The following FGF12 variants were observed in gnomAD, a reference collection of about 807,000 sequenced individuals.
FGF12 encodes fibroblast growth factor 12B.
FGF12 carries 14 observed loss-of-function variants against 23.6 expected under a neutral mutation model. The observed-to-expected ratio is 0.59, with a 90% CI of 0.39 to 0.93. The LOEUF is 0.93. Ranked by LOEUF, FGF12 falls within the 40% of genes least tolerant of loss-of-function variation. The probability of loss-of-function intolerance (pLI) is 0.00; values close to 1 mark genes in which losing one functional copy is unlikely to be tolerated. For missense variants in FGF12, 175 were observed against 217.8 expected (o/e 0.80, Z 1.24); for synonymous variants, 62 against 77.3 (o/e 0.80, Z 1.04).
At chr3:192,331,642 T>C (rs1256715650) in intron 4 of FGF12, among the ~76,000 whole-genome samples, 2 of 152,072 alleles carry the variant, frequency 1.3e-5, no homozygotes, top group Non-Finnish European at 2.9e-5. Context: ...TCTAAAGTAG[T>C]CAACCTCTTT....
intron 2 of FGF12, among the ~76,000 whole-genome samples, chr3:192,710,704 A>G (rs1468641237): frequency 6.6e-6 from 1 of 152,238 alleles, no homozygotes; most frequent in East Asian, 1.9e-4. Flanking sequence ...TCTCCCAAAC[A>G]TCAAGCATCT....
At chr3:192,436,577 G>A (rs950203923) in intron 2 of FGF12, among the ~76,000 whole-genome samples, 9 of 152,184 alleles carry the variant, frequency 5.9e-5, no homozygotes, top group Admixed American at 5.9e-4. Flanking sequence ...CTTTGACTTC[G>A]GTAGTTTTAC....
chr3:192,530,153 A>G (rs35458555), intron 2 of FGF12, among the ~76,000 whole-genome samples: 82,223 of 151,382 alleles, frequency 0.54, 22,782 homozygotes, highest in East Asian at 0.76. Flanking sequence ...TGACATCTAC[A>G]TTCTCTTTTG....
At chr3:192,281,381 G>C (rs1163424983) in intron 4 of FGF12, among the ~76,000 whole-genome samples, 1 of 152,066 alleles carries the variant, frequency 6.6e-6, no homozygotes, top group Non-Finnish European at 1.5e-5. Context: ...ACTAGTCATT[G>C]GATGGAGGGC....
chr3:192,164,458 A>G (rs574645929), intron 5 of FGF12, among the ~76,000 whole-genome samples: 4 of 152,302 alleles, frequency 2.6e-5, no homozygotes, highest in African/African-American at 9.6e-5. Context: ...AGTGAAGGGA[A>G]ATGGGCTGGT....
chr3:192,443,948 C>T (rs752721806), intron 2 of FGF12, among the ~76,000 whole-genome samples: 10 of 152,162 alleles, frequency 6.6e-5, no homozygotes, highest in Non-Finnish European at 8.8e-5. Flanking sequence ...GCAATGCTGG[C>T]CCAATGTCAG....
intron 2 of FGF12, among the ~76,000 whole-genome samples, chr3:192,527,676 A>G (rs564539986): frequency 6.6e-6 from 1 of 152,188 alleles, no homozygotes; most frequent in East Asian, 1.9e-4. Flanking sequence ...TTATTTTTTT[A>G]TTTGTACATA....
rs144980227 is a variant in FGF12 at position 192,270,310 on chromosome 3, T to C, written c.228+65051A>G. ...AATACAGCACTTAATTTCCTGCACC[T>C]TAGTTGGTAACTGTTAAATCAATTC... On this transcript the variant is annotated intron_variant, in intron 4 of 5. Transcript: ENST00000445105. Among the ~76,000 whole-genome samples, 712 of 152,306 alleles carry C rather than the reference T, an allele frequency of 4.7e-3. 4 individuals carry two copies. Among genetic ancestry groups the C allele is most frequent in the Non-Finnish European group, 7.6e-3 (519 of 68,014 alleles).
At chr3:192,697,682 G>C (rs1428672746) in intron 2 of FGF12, among the ~76,000 whole-genome samples, 2 of 152,220 alleles carry the variant, frequency 1.3e-5, no homozygotes, top group African/African-American at 2.4e-5. Context: ...GGGCCATGAA[G>C]ATGGAGATGT....
At chr3:192,397,089 G>A (rs1333873340) in intron 2 of FGF12, among the ~76,000 whole-genome samples, 1 of 152,206 alleles carries the variant, frequency 6.6e-6, no homozygotes, top group Non-Finnish European at 1.5e-5. Context: ...GAGTTTTGTG[G>A]CAATACCAGG....
chr3:192,534,703 A>G (rs1420674211), intron 2 of FGF12, among the ~76,000 whole-genome samples: 1 of 152,160 alleles, frequency 6.6e-6, no homozygotes, highest in African/African-American at 2.4e-5. Flanking sequence ...TCTATTAAAA[A>G]TGTATCTGTT....
chr3:192,286,642 C>G (rs1440703524), intron 4 of FGF12, among the ~76,000 whole-genome samples: 1 of 151,950 alleles, frequency 6.6e-6, no homozygotes, highest in Non-Finnish European at 1.5e-5. Context: ...GAAGAAATAA[C>G]TGAATGAAAA....
At chr3:192,478,091 T>A (rs1723376286) in intron 2 of FGF12, among the ~76,000 whole-genome samples, 1 of 152,202 alleles carries the variant, frequency 6.6e-6, no homozygotes, top group African/African-American at 2.4e-5. Context: ...AGGCCTAAAA[T>A]CTCATTGCAT....
rs76557545 is a variant in FGF12, at chr3:192,170,895, C to G, written c.229-239G>C. Among the ~76,000 whole-genome samples the G allele has an allele frequency of 0.044, 6,626 of 152,244 alleles. 190 individuals are homozygous for G. Among genetic ancestry groups the G allele is most frequent in the Admixed American group, 0.059 (898 of 15,294 alleles). ...AATAACTTGCTCAGGCTTGAAGCTACGTTAAAATCATTCAGGACTGTGGCC... is the reference window on the plus strand; with the variant it reads ...AATAACTTGCTCAGGCTTGAAGCTAGGTTAAAATCATTCAGGACTGTGGCC... On this transcript the variant is annotated intron_variant, in intron 4 of 5. Transcript: ENST00000445105.
intron 2 of FGF12, among the ~76,000 whole-genome samples, chr3:192,636,899 G>A (rs971922310): frequency 5.9e-5 from 9 of 152,122 alleles, no homozygotes; most frequent in Non-Finnish European, 7.4e-5. Context: ...AGAGGAGAAG[G>A]GCAATGGCAA....
intron 4 of FGF12, among the ~76,000 whole-genome samples, chr3:192,175,559 C>T (rs550673358): frequency 2.0e-5 from 3 of 152,222 alleles, no homozygotes; most frequent in East Asian, 1.9e-4. Flanking sequence ...GATAGTGTTC[C>T]GAAATTATTT....
chr3:192,319,774 T>G (rs1341711453), intron 4 of FGF12, among the ~76,000 whole-genome samples: 2 of 152,150 alleles, frequency 1.3e-5, no homozygotes, highest in Non-Finnish European at 2.9e-5. Context: ...GCCTGTGTTG[T>G]CATCAGTTTA....
intron 4 of FGF12, among the ~76,000 whole-genome samples, chr3:192,171,129 G>C (rs1715536583): frequency 6.6e-6 from 1 of 152,080 alleles, no homozygotes; most frequent in Non-Finnish European, 1.5e-5. Context: ...AGCTTGGTCA[G>C]GAAAATCACC....
chr3:192,668,074 G>A (rs1716961744), intron 2 of FGF12, among the ~76,000 whole-genome samples: 3 of 151,946 alleles, frequency 2.0e-5, no homozygotes, highest in Non-Finnish European at 1.5e-5. Context: ...CAAGAATGGA[G>A]AATTGGTTTA....
Sources: gnomAD v4.1 joint callset for allele counts (sites outside exome capture counted in the v4.1 genomes callset) on GRCh38, gnomAD v4.1.1 for gene constraint, MANE v1.5 for transcripts, NCBI Gene and HGNC (gene_info 2026-07-23, HGNC 2026-07-21) for gene names.